PUS7L: variants seen among roughly 807,000 people sequenced by gnomAD.
PUS7L encodes pseudouridylate synthase PUS7L.
A neutral mutation model predicts 51.1 loss-of-function variants in PUS7L; 49 were observed. The ratio of observed to expected loss-of-function variants is 0.96; its 90% CI spans 0.76 to 1.22. The LOEUF (loss-of-function observed/expected upper bound fraction) is 1.22, where lower values mean the gene tolerates loss of function less well. PUS7L is among the 50% of genes most tolerant of loss of function. PUS7L has a pLI of 0.00. For synonymous variants in PUS7L, 277 were observed against 276.2 expected (o/e 1.00, Z -0.03); for missense variants, 828 against 820.6 (o/e 1.01, Z -0.11).
At position 43,724,339 on chromosome 12, in the gene PUS7L, C is replaced by G. The variant is rs1474772561; in HGVS notation, c.*6037G>C. The G allele has an allele frequency of 1.3e-5, 2 of 151,162 alleles. No homozygotes were observed. Among genetic ancestry groups the G allele is most frequent in the Non-Finnish European group, 3.0e-5 (2 of 67,754 alleles). The allele number at this position is 151,162 out of a possible 1,614,324, so 9.4% of individuals were successfully genotyped here. On this transcript the variant is annotated 3_prime_UTR_variant, in exon 9 of 9. Transcript: ENST00000344862. ...AAATATGAATTGTAATTACTTTATG[C>G]TAAAACTAAGTCAGATCAGACCTCA...
Position 43,742,482 on chromosome 12 carries a change from C to G in PUS7L, c.1337G>C (p.Gly446Ala). Reference sequence around the variant, plus strand: ...CATTTCATTCTTCAGCAAAGCTAGTCCAATTTGGTCTGTGTGAACTTTCCT... The same window carrying G: ...CATTTCATTCTTCAGCAAAGCTAGTGCAATTTGGTCTGTGTGAACTTTCCT... Reference protein sequence around the residue: ...KGRKVHTDQIGLALLKNEMMK... With the variant: ...KGRKVHTDQIALALLKNEMMK... The change falls in exon 5 of 9, where the codon GGA becomes GCA. Residue 446 changes from glycine to alanine, a missense_variant. Physicochemically the swap from Gly to Ala is moderately conservative, Grantham distance 60. Coordinates refer to ENST00000344862, the MANE Select transcript of PUS7L (RefSeq NM_031292.5). 6.2e-7 allele frequency: 1 copy of G among 1,609,476 alleles called. No homozygotes were observed. The highest frequency in any genetic ancestry group is 1.1e-5 in the South Asian group (1 of 90,354).
Position 43,737,177 on chromosome 12 carries a change from G to A in PUS7L, c.1445-516C>T, listed in dbSNP as rs75983515. ...GATGACTGGAATCTACCACAAAGAT[G>A]CTTATTCACGTATGGCCTTGGAATT... On this transcript the variant is annotated intron_variant, in intron 6 of 8. Transcript: ENST00000344862. Among the ~76,000 whole-genome samples the A allele has an allele frequency of 5.0e-3, 765 of 152,230 alleles. 17 individuals are homozygous for A. The East Asian group carries it at 0.056, about 11-fold the overall frequency.
intron 1 of PUS7L, among the ~76,000 whole-genome samples, chr12:43,757,068 C>A (rs922104644): frequency 7.9e-5 from 12 of 152,206 alleles, no homozygotes; most frequent in African/African-American, 2.7e-4. Context: ...GCTAACTGTT[C>A]CTGTTGTTTA....
At chr12:43,758,652 T>TGGGGGGGGGGGGGGC in intron 1 of PUS7L, 78 bp downstream of exon 1, 1 of 708,234 alleles carries the variant, frequency 1.4e-6, no homozygotes, top group Non-Finnish European at 1.6e-6. Context: ...GCCAACCTCG[T>TGGGGGGGGGGGGGGC]CACCCCCCCC....
rs1414293228 is a variant in PUS7L, at chr12:43,729,852, T to G, written c.*524A>C. On this transcript the variant is annotated 3_prime_UTR_variant, in exon 9 of 9. Coordinates refer to ENST00000344862, the MANE Select transcript of PUS7L (RefSeq NM_031292.5). Reference sequence around the variant, plus strand: ...TATCTCACAAAGAGGTAATAACTACTCTGGGGTATCTATCACAAACAGAGG... The same window carrying G: ...TATCTCACAAAGAGGTAATAACTACGCTGGGGTATCTATCACAAACAGAGG... The G allele has an allele frequency of 6.5e-6, 1 of 153,602 alleles. No individual in the cohort carries two copies. Among genetic ancestry groups the G allele is most frequent in the Non-Finnish European group, 1.4e-5 (1 of 69,012 alleles). 9.5% of individuals were successfully genotyped at this position (153,602 alleles called of 1,614,324 possible). A position where few individuals can be genotyped will look rare whatever the true frequency, so the allele number is the denominator to read the frequency against.
Position 43,754,609 on chromosome 12 carries a change from C to T in PUS7L, c.637G>A (p.Glu213Lys). 1 of 1,612,980 alleles carries T rather than the reference C, an allele frequency of 6.2e-7. No individual in the cohort carries two copies. The highest frequency in any genetic ancestry group is 8.5e-7 in the Non-Finnish European group (1 of 1,179,604). ...TATTTAAAAAAGTCAAATGCTTCCT[C>T]TTCAGATACCAAATGACAAAGTTCT... is the stretch of plus-strand genomic sequence containing the variant. ...YKELCHLVSE[E>K]EAFDFFKYLD... Residue 213 changes from glutamate to lysine, a missense_variant, in exon 2 of 9, where the codon GAG becomes AAG. Glu to Lys is a moderately conservative substitution (Grantham distance 56). Transcript: ENST00000344862.
chr12:43,738,455 G>C lies in PUS7L; in HGVS notation c.1363-64C>G, dbSNP rs534029502. ...TGTCAAATTACTTTCTTTAAAAAAAGATGCAAATTCTCTAGCATCCTAAAA... is the reference window on the plus strand; with the variant it reads ...TGTCAAATTACTTTCTTTAAAAAAACATGCAAATTCTCTAGCATCCTAAAA... On this transcript the variant is annotated intron_variant, in intron 5 of 8. Coordinates refer to ENST00000344862, the MANE Select transcript of PUS7L (RefSeq NM_031292.5). 919 of 861,622 alleles carry C rather than the reference G, an allele frequency of 1.1e-3. 5 individuals carry two copies. The highest frequency in any genetic ancestry group is 6.9e-4 in the South Asian group (48 of 69,216). 53.4% of individuals were successfully genotyped at this position (861,622 alleles called of 1,614,324 possible). A position where few individuals can be genotyped will look rare whatever the true frequency, so the allele number is the denominator to read the frequency against.
intron 7 of PUS7L, among the ~76,000 whole-genome samples, chr12:43,733,674 T>C (rs926786408): frequency 1.4e-4 from 21 of 152,218 alleles, no homozygotes; most frequent in African/African-American, 5.1e-4. Flanking sequence ...ACTTACTAAT[T>C]AGTGTGCTTT....
rs1355111354 is a variant in PUS7L at position 43,754,573 on chromosome 12, T to C, written c.673A>G (p.Lys225Glu). ...AAGGTAAATTTGGAATTTTCTTTCT[T>C]TGCATCCAAATATTTAAAAAAGTCA... Reference protein sequence around the residue: ...AFDFFKYLDAKKENSKFTFKP... With the variant: ...AFDFFKYLDAEKENSKFTFKP... Residue 225 changes from lysine (K) to glutamate (E), a missense_variant, in exon 2 of 9, where the codon AAG becomes GAG. Lys to Glu is a moderately conservative substitution (Grantham distance 56). Coordinates refer to ENST00000344862, the MANE Select transcript of PUS7L (RefSeq NM_031292.5). 6.2e-6 allele frequency: 10 copies of C among 1,609,310 alleles called. No homozygotes were observed. The highest frequency in any genetic ancestry group is 8.5e-6 in the Non-Finnish European group (10 of 1,178,442).
intron 2 of PUS7L, among the ~76,000 whole-genome samples, chr12:43,754,024 T>C (rs927955928): frequency 6.6e-6 from 1 of 152,204 alleles, no homozygotes; most frequent in Admixed American, 6.5e-5. Flanking sequence ...TTACCTTCAA[T>C]AAAACTTATT....
In PUS7L at chr12:43,758,723, C is replaced by T; in HGVS notation, c.-17+7G>A. On this transcript the variant is annotated splice_region_variant and intron_variant, in intron 1 of 8. Transcript: ENST00000344862. ...CACCATCGCGCAAGAAACTCGACCC[C>T]GTCTACCTCGGTTCAGTGGAAGGCA... is the stretch of plus-strand genomic sequence containing the variant. 1 of 982,256 alleles carries T rather than the reference C, an allele frequency of 1.0e-6. No individual in the cohort carries two copies. The highest frequency in any genetic ancestry group is 1.2e-6 in the Non-Finnish European group (1 of 829,362). 60.8% of individuals were successfully genotyped at this position (982,256 alleles called of 1,614,324 possible).
chr12:43,723,271 G>A lies in PUS7L; in HGVS notation c.*7105C>T, dbSNP rs1944418083. 1 of 152,062 alleles carries A rather than the reference G, an allele frequency of 6.6e-6. No homozygotes were observed. Among genetic ancestry groups the A allele is most frequent in the Non-Finnish European group, 1.5e-5 (1 of 67,950 alleles). The allele number at this position is 152,062 out of a possible 1,614,324, so 9.4% of individuals were successfully genotyped here. ...TTAGAGTCATTTTCTTTACTTAGAG[G>A]TATTCTTGACAACCCACACTGAAAT... On this transcript the variant is annotated 3_prime_UTR_variant, in exon 9 of 9. Coordinates refer to ENST00000344862, the MANE Select transcript of PUS7L (RefSeq NM_031292.5).
In PUS7L at chr12:43,720,887, TTC is replaced by T. The variant is rs1944389707; in HGVS notation, c.*9487_*9488del. 1.3e-5 allele frequency: 2 copies of T among 152,348 alleles called. No individual in the cohort carries two copies. Among genetic ancestry groups the T allele is most frequent in the South Asian group, 2.1e-4 (1 of 4,832 alleles). The allele number at this position is 152,348 out of a possible 1,614,324, so 9.4% of individuals were successfully genotyped here. ...TTAGTTCCAGATAATTCTCCATGTT[TTC>T]TCTTTCTCTAGTTTCCTAACTGCAT... On this transcript the variant is annotated 3_prime_UTR_variant, in exon 9 of 9. Coordinates refer to ENST00000344862, the MANE Select transcript of PUS7L (RefSeq NM_031292.5).
At chr12:43,741,832 A>G (rs1937911668) in intron 5 of PUS7L, among the ~76,000 whole-genome samples, 1 of 152,206 alleles carries the variant, frequency 6.6e-6, no homozygotes, top group African/African-American at 2.4e-5. Context: ...ATTAGAACAC[A>G]GGTGAGTGAA....
intron 3 of PUS7L, among the ~76,000 whole-genome samples, chr12:43,747,558 G>A (rs1239231970): frequency 1.3e-5 from 2 of 151,936 alleles, no homozygotes; most frequent in African/African-American, 4.8e-5. Flanking sequence ...GCCAGGCATG[G>A]TGGTGGGCGC....
Position 43,726,325 on chromosome 12 carries a change from G to T in PUS7L, c.*4051C>A, listed in dbSNP as rs1477432305. 1 of 152,174 alleles carries T rather than the reference G, an allele frequency of 6.6e-6. No homozygotes were observed. The highest frequency in any genetic ancestry group is 2.4e-5 in the African/African-American group (1 of 41,428). The allele number at this position is 152,174 out of a possible 1,614,324, so 9.4% of individuals were successfully genotyped here. ...CTCCCTATTTAATAAATGGTGCTGG[G>T]ATAACTGGTTAGCCACATCCTGAGG... On this transcript the variant is annotated 3_prime_UTR_variant, in exon 9 of 9. Coordinates refer to ENST00000344862, the MANE Select transcript of PUS7L (RefSeq NM_031292.5).
intron 4 of PUS7L, among the ~76,000 whole-genome samples, chr12:43,744,589 G>A (rs1205386016): frequency 6.6e-6 from 1 of 152,170 alleles, no homozygotes; most frequent in African/African-American, 2.4e-5. Flanking sequence ...ATAGCAGCAT[G>A]AGAATGGACT....
intron 7 of PUS7L, among the ~76,000 whole-genome samples, chr12:43,733,037 T>A (rs997295725): frequency 3.3e-5 from 5 of 152,208 alleles, no homozygotes; most frequent in African/African-American, 1.2e-4. Context: ...AACACCATGC[T>A]TTGTCTTTAA....
At chr12:43,734,148 G>A (rs985848151) in intron 7 of PUS7L, among the ~76,000 whole-genome samples, 2 of 152,150 alleles carry the variant, frequency 1.3e-5, no homozygotes. Context: ...ACACTTTCTG[G>A]TTTGGTTCTG....
Sources: gnomAD v4.1 joint callset for allele counts (sites outside exome capture counted in the v4.1 genomes callset) on GRCh38, gnomAD v4.1.1 for gene constraint, MANE v1.5 for transcripts, NCBI Gene and HGNC (gene_info 2026-07-23, HGNC 2026-07-21) for gene names.